Variants in WDR37 observed in about 807,000 individuals in gnomAD.
WDR37 encodes the protein WD repeat-containing protein 37.
In WDR37, 19 loss-of-function variants were observed where a neutral mutation model predicts 62.9. The observed-to-expected ratio is 0.30, with a 90% CI of 0.21 to 0.44. The LOEUF is 0.44. WDR37 is among the 20% of genes least tolerant of loss of function. WDR37 has a pLI of 1.00. For missense variants in WDR37, 474 were observed against 657.6 expected (o/e 0.72, Z 3.05); for synonymous variants, 250 against 260.9 (o/e 0.96, Z 0.40).
rs748748816 is a variant in WDR37 at position 1,105,086 on chromosome 10, C to G, written c.962-40C>G. Reference sequence around the variant, plus strand: ...TGAAAAGCGTCTCTCTCAGCGTGCTCCTCAGGTGATGACCTTGTGTTTTGC... The same window carrying G: ...TGAAAAGCGTCTCTCTCAGCGTGCTGCTCAGGTGATGACCTTGTGTTTTGC... On this transcript the variant is annotated intron_variant, in intron 10 of 13. Coordinates refer to ENST00000263150, the MANE Select transcript of WDR37 (RefSeq NM_014023.4). This position sits in a 1 kb window ranked among gnomAD's most constrained non-coding sequence, Gnocchi z 5.3. The G allele has an allele frequency of 2.5e-6, 4 of 1,609,398 alleles. No homozygotes were observed. Among genetic ancestry groups the G allele is most frequent in the Non-Finnish European group, 3.4e-6 (4 of 1,176,286 alleles).
chr10:1,107,837 C>T (rs1835073439), intron 11 of WDR37, among the ~76,000 whole-genome samples: 1 of 152,178 alleles, frequency 6.6e-6, no homozygotes, highest in Non-Finnish European at 1.5e-5. Context: ...GTACACGCCT[C>T]TCTCTGAAAC....
intron 6 of WDR37, among the ~76,000 whole-genome samples, chr10:1,085,918 G>A (rs756661826): frequency 1.3e-5 from 2 of 152,184 alleles, no homozygotes; most frequent in Non-Finnish European, 2.9e-5. Flanking sequence ...TTTGGATGCT[G>A]TTTGAATTTG....
At chr10:1,104,359 C>T (rs752170431) in intron 10 of WDR37, among the ~76,000 whole-genome samples, 4 of 152,214 alleles carry the variant, frequency 2.6e-5, no homozygotes, top group South Asian at 2.1e-4. Flanking sequence ...CTCCTCTGGG[C>T]GTGCAGAGGC....
rs1835921674 is a variant in WDR37, at chr10:1,130,164, GCA to G, written c.*825_*826del. On this transcript the variant is annotated 3_prime_UTR_variant, in exon 14 of 14. Transcript: ENST00000263150. ...ACTTGACCTTGATAAGAGGCCGCCTGCACACAGAGCCCAGTTAATTCTCCGCA... is the reference window on the plus strand; with the variant it reads ...ACTTGACCTTGATAAGAGGCCGCCTGCACAGAGCCCAGTTAATTCTCCGCA... 6.6e-6 allele frequency: 1 copy of G among 152,640 alleles called. No individual in the cohort carries two copies. Among genetic ancestry groups the G allele is most frequent in the East Asian group, 1.9e-4 (1 of 5,202 alleles). The allele number at this position is 152,640 out of a possible 1,614,324, so 9.5% of individuals were successfully genotyped here.
chr10:1,108,747 C>CT (rs1835108283), intron 11 of WDR37, among the ~76,000 whole-genome samples: 2 of 140,246 alleles, frequency 1.4e-5, no homozygotes, highest in Non-Finnish European at 3.1e-5. Context: ...ATGCCCCCCC[C>CT]CCCCGTGGAA....
chr10:1,072,738 A>G (rs1369531011), intron 2 of WDR37, among the ~76,000 whole-genome samples: 2 of 152,190 alleles, frequency 1.3e-5, no homozygotes, highest in East Asian at 3.8e-4. Flanking sequence ...CCCCTCCCAA[A>G]TTCCCCCAAA....
intron 11 of WDR37, among the ~76,000 whole-genome samples, chr10:1,107,712 G>C (rs1835068948): frequency 6.6e-6 from 1 of 150,870 alleles, no homozygotes; most frequent in Non-Finnish European, 1.5e-5. Flanking sequence ...TTGCGGCACT[G>C]CTGTCTCTCT....
chr10:1,103,736 C>A lies in WDR37; in HGVS notation c.861C>A (p.Ser287=). Residue 287 remains serine (S), a synonymous_variant, in exon 10 of 14, where the codon TCC becomes TCA. Transcript: ENST00000263150. The surrounding 1 kb of genome is among the most constrained non-coding windows in gnomAD (Gnocchi z 6.3). ...LKSHQGVVIA[S]DWLVGGKQAV... is the part of the protein sequence containing the mutation. ...GCCACCAGGGCGTGGTCATCGCCTC[C>A]GACTGGCTGGTTGGGGGGAAGCAGG... 1.2e-6 allele frequency: 2 copies of A among 1,614,252 alleles called. No homozygotes were observed. The highest frequency in any genetic ancestry group is 1.7e-6 in the Non-Finnish European group (2 of 1,180,050).
intron 11 of WDR37, among the ~76,000 whole-genome samples, chr10:1,115,001 T>C (rs1347654074): frequency 6.6e-6 from 1 of 151,974 alleles, no homozygotes; most frequent in Non-Finnish European, 1.5e-5. Context: ...TCCCGTAGAG[T>C]TTTCCTCCCC....
intron 1 of WDR37, among the ~76,000 whole-genome samples, chr10:1,057,780 C>T (rs1833238830): frequency 6.6e-6 from 1 of 152,114 alleles, no homozygotes; most frequent in African/African-American, 2.4e-5. Flanking sequence ...ACATTCGTCC[C>T]TTGAAGCGGA....
At position 1,093,476 on chromosome 10, in the gene WDR37, C is replaced by T. The variant is rs777302425; in HGVS notation, c.629C>T (p.Ser210Leu). 7.5e-6 allele frequency: 12 copies of T among 1,610,064 alleles called. No homozygotes were observed. Among genetic ancestry groups the T allele is most frequent in the Middle Eastern group, 3.4e-4 (2 of 5,896 alleles). ...GSVNSIKFHP[S>L]EQLALTASGD... ...GTAAATTCTATCAAATTTCATCCCT[C>T]AGAGCAGTTGGCTCTCACTGGTATG... Residue 210 changes from serine (S) to leucine (L), a missense_variant, in exon 8 of 14, where the codon TCA becomes TTA. Ser to Leu is a moderately radical substitution (Grantham distance 145, BLOSUM62 -2). Coordinates refer to ENST00000263150, the MANE Select transcript of WDR37 (RefSeq NM_014023.4).
intron 1 of WDR37, among the ~76,000 whole-genome samples, chr10:1,064,291 A>G (rs7100114): frequency 0.095 from 14,381 of 152,114 alleles, 768 homozygotes; most frequent in African/African-American, 0.14. Flanking sequence ...AAGTGAGCAG[A>G]GCCTCAGGGG....
intron 13 of WDR37, among the ~76,000 whole-genome samples, chr10:1,126,926 A>C (rs1835807969): frequency 6.6e-6 from 1 of 152,198 alleles, no homozygotes. Flanking sequence ...AAATTTCATG[A>C]AATTAGAGTG....
At chr10:1,107,084 G>A (rs564740042) in intron 11 of WDR37, among the ~76,000 whole-genome samples, 1 of 152,254 alleles carries the variant, frequency 6.6e-6, no homozygotes, top group African/African-American at 2.4e-5. Context: ...CTGCATCAGG[G>A]TGCAGCAGGC....
At chr10:1,078,043 C>G in intron 3 of WDR37, 40 bp downstream of exon 3, 1 of 1,465,624 alleles carries the variant, frequency 6.8e-7, no homozygotes, top group Non-Finnish European at 9.4e-7. Flanking sequence ...ATAGCTTTAC[C>G]TATCCATAGT....
chr10:1,099,821 G>A (rs1057104331), intron 9 of WDR37, among the ~76,000 whole-genome samples: 3 of 149,874 alleles, frequency 2.0e-5, no homozygotes, highest in Admixed American at 6.7e-5. Context: ...CACTAATGGC[G>A]GGCATGGTGG....
intron 7 of WDR37, among the ~76,000 whole-genome samples, chr10:1,091,370 A>G (rs1834382830): frequency 6.6e-6 from 1 of 152,156 alleles, no homozygotes; most frequent in African/African-American, 2.4e-5. Context: ...GCTTAAGTTT[A>G]TTGCTTATAA....
intron 1 of WDR37, among the ~76,000 whole-genome samples, chr10:1,066,595 GATTATTCAAAA>G (rs1412446355): frequency 6.6e-6 from 1 of 152,150 alleles, no homozygotes; most frequent in Non-Finnish European, 1.5e-5. Context: ...ATATGTAAAA[GATTATTCAAAA>G]ATGTAAAAGG....
At chr10:1,109,431 A>C (rs1835139162) in intron 11 of WDR37, among the ~76,000 whole-genome samples, 2 of 152,222 alleles carry the variant, frequency 1.3e-5, no homozygotes, top group Non-Finnish European at 2.9e-5. Context: ...TGGCATCTTT[A>C]AAATATCTGC....
Sources: allele counts gnomAD v4.1 joint callset (sites outside exome capture counted in the v4.1 genomes callset), GRCh38; gene constraint gnomAD v4.1.1; non-coding constraint Gnocchi (gnomAD v3.1); transcripts MANE v1.5; gene names NCBI Gene and HGNC (gene_info 2026-07-23, HGNC 2026-07-21).